ANO2: variants seen among roughly 807,000 people sequenced by gnomAD.
ANO2 encodes the protein anoctamin 2, also known as anoctamin-2.
In ANO2, 101 loss-of-function variants were observed where a neutral mutation model predicts 124.2. The observed-to-expected ratio is 0.81, with a 90% CI of 0.69 to 0.96. The LOEUF (loss-of-function observed/expected upper bound fraction) is 0.96, where lower values mean the gene tolerates loss of function less well. Among genes scored for constraint, ANO2 ranks in the 40% least tolerant of loss-of-function variants. The probability of loss-of-function intolerance (pLI) is 0.00; values close to 1 mark genes in which losing one functional copy is unlikely to be tolerated. For synonymous variants in ANO2, 486 were observed against 482.5 expected (o/e 1.01, Z -0.09); for missense variants, 1,293 against 1,274.5 (o/e 1.01, Z -0.22).
At chr12:5,736,594 G>T (rs1381547932) in intron 13 of ANO2, among the ~76,000 whole-genome samples, 1 of 152,114 alleles carries the variant, frequency 6.6e-6, no homozygotes, top group Admixed American at 6.5e-5. Flanking sequence ...TCCTCGTTTT[G>T]AATGTGGGTT....
Position 5,629,347 on chromosome 12 carries a change from C to T in ANO2, c.1816+5805G>A, listed in dbSNP as rs750810880. Among the ~76,000 whole-genome samples, 3 of 152,218 alleles carry T rather than the reference C, an allele frequency of 2.0e-5. No homozygotes were observed. In the East Asian group the frequency reaches 5.8e-4, roughly 29 times the overall value. The stretch of plus-strand genomic sequence containing the variant: ...GAATTCTCCAAAGCTAGAGTAGAGA[C>T]AGGCCGCCTTTCCAGGCCAAGCCTG... On this transcript the variant is annotated intron_variant, in intron 16 of 24. Coordinates refer to ENST00000682330, the MANE Select transcript of ANO2 (RefSeq NM_001364791.2).
intron 16 of ANO2, among the ~76,000 whole-genome samples, chr12:5,633,488 T>G (rs1945837841): frequency 6.6e-6 from 1 of 152,180 alleles, no homozygotes; most frequent in Non-Finnish European, 1.5e-5. Flanking sequence ...TATGGCTGAA[T>G]GCCCCTGGGA....
intron 20 of ANO2, among the ~76,000 whole-genome samples, chr12:5,591,383 G>A (rs115484935): frequency 0.015 from 2,219 of 152,252 alleles, 62 homozygotes; most frequent in African/African-American, 0.05. Flanking sequence ...ATGGTTTGGG[G>A]CAAAGTCTAT....
In ANO2 at chr12:5,658,291, T is replaced by C. The variant is rs1044459011; in HGVS notation, c.1546-10490A>G. On this transcript the variant is annotated intron_variant, in intron 14 of 24. Transcript: ENST00000682330. The surrounding 1 kb of genome is among the most constrained non-coding windows in gnomAD (Gnocchi z 4.3). ...TGCCAACGGTATGAGATTGCTGCTATGGAGATGAAATGAGGTAATGCATGG... is the reference window on the plus strand; with the variant it reads ...TGCCAACGGTATGAGATTGCTGCTACGGAGATGAAATGAGGTAATGCATGG... Among the ~76,000 whole-genome samples, 8 of 152,208 alleles carry C rather than the reference T, an allele frequency of 5.3e-5. No individual in the cohort carries two copies. The highest frequency in any genetic ancestry group is 1.2e-4 in the Non-Finnish European group (8 of 68,026).
intron 1 of ANO2, among the ~76,000 whole-genome samples, chr12:5,928,303 C>T (rs904090173): frequency 5.3e-5 from 8 of 152,198 alleles, no homozygotes; most frequent in South Asian, 2.1e-4. Context: ...CCCAACCTCC[C>T]AAAGCCACTG....
chr12:5,864,799 A>T (rs149771525), intron 3 of ANO2, among the ~76,000 whole-genome samples: 161 of 152,346 alleles, frequency 1.1e-3, no homozygotes, highest in Middle Eastern at 0.01. Flanking sequence ...CAAGCAAATC[A>T]CAGGATCAAC....
intron 20 of ANO2, among the ~76,000 whole-genome samples, chr12:5,589,248 T>C (rs1409232984): frequency 6.6e-6 from 1 of 152,154 alleles, no homozygotes; most frequent in Non-Finnish European, 1.5e-5. Flanking sequence ...ACGTTACACC[T>C]TCTCTTATTT....
chr12:5,905,332 A>G (rs1940599415), intron 3 of ANO2, among the ~76,000 whole-genome samples: 1 of 152,188 alleles, frequency 6.6e-6, no homozygotes, highest in Admixed American at 6.5e-5. Context: ...TGGTTTTCTT[A>G]TCTGCAAAAT....
chr12:5,753,369 T>C (rs549478621), intron 10 of ANO2, among the ~76,000 whole-genome samples: 1 of 152,156 alleles, frequency 6.6e-6, no homozygotes, highest in Non-Finnish European at 1.5e-5. Context: ...GCACTTAATA[T>C]AAGGTGAACA....
At chr12:5,857,045 A>G (rs1955119980) in intron 3 of ANO2, among the ~76,000 whole-genome samples, 1 of 152,252 alleles carries the variant, frequency 6.6e-6, no homozygotes, top group South Asian at 2.1e-4. Flanking sequence ...GTGAAATATT[A>G]GCTGATGTGA....
At chr12:5,885,940 T>C (rs10849356) in intron 3 of ANO2, among the ~76,000 whole-genome samples, 72,607 of 152,004 alleles carry the variant, frequency 0.48, 17,976 homozygotes, top group South Asian at 0.61. Flanking sequence ...ACTGCTCTTC[T>C]CCATGGGCAT....
At chr12:5,674,845 T>C (rs1337251738) in intron 14 of ANO2, among the ~76,000 whole-genome samples, 1 of 152,216 alleles carries the variant, frequency 6.6e-6, no homozygotes, top group African/African-American at 2.4e-5. Context: ...GCAAAATGCT[T>C]AGCAGAGTAT....
chr12:5,660,058 A>C (rs953528181), intron 14 of ANO2, among the ~76,000 whole-genome samples: 2 of 152,192 alleles, frequency 1.3e-5, no homozygotes, highest in African/African-American at 4.8e-5. Context: ...AACCTCCATT[A>C]GTACTGCAGA....
intron 1 of ANO2, among the ~76,000 whole-genome samples, chr12:5,932,246 G>T (rs1942434312): frequency 6.6e-6 from 1 of 151,456 alleles, no homozygotes; most frequent in Non-Finnish European, 1.5e-5. Flanking sequence ...AGTGAGGAAA[G>T]AAGGTAGACT....
intron 1 of ANO2, among the ~76,000 whole-genome samples, chr12:5,937,104 G>A (rs998627973): frequency 2.7e-5 from 4 of 149,444 alleles, no homozygotes; most frequent in Non-Finnish European, 5.9e-5. Flanking sequence ...GTCATATGGT[G>A]GTTCCATTTT....
At chr12:5,773,843 C>A (rs1007253285) in intron 10 of ANO2, among the ~76,000 whole-genome samples, 1 of 152,194 alleles carries the variant, frequency 6.6e-6, no homozygotes, top group African/African-American at 2.4e-5. Flanking sequence ...CAGTGCACAA[C>A]CTGCACAACT....
At chr12:5,869,689 A>T (rs1955520336) in intron 3 of ANO2, among the ~76,000 whole-genome samples, 1 of 152,116 alleles carries the variant, frequency 6.6e-6, no homozygotes, top group Non-Finnish European at 1.5e-5. Flanking sequence ...AAGAAGACAA[A>T]TCACAAGTAG....
intron 3 of ANO2, among the ~76,000 whole-genome samples, chr12:5,909,371 A>T (rs949090547): frequency 6.6e-6 from 1 of 152,252 alleles, no homozygotes; most frequent in African/African-American, 2.4e-5. Flanking sequence ...ACTTTTTAGT[A>T]AATTGCAAAA....
At chr12:5,815,197 T>C (rs1167506438) in intron 7 of ANO2, among the ~76,000 whole-genome samples, 3 of 152,208 alleles carry the variant, frequency 2.0e-5, no homozygotes, top group African/African-American at 7.2e-5. Context: ...AGCAGAATCC[T>C]TCAGACCTCC....
Sources: gnomAD v4.1 joint callset for allele counts (sites outside exome capture counted in the v4.1 genomes callset) on GRCh38, gnomAD v4.1.1 for gene constraint, Gnocchi (gnomAD v3.1) non-coding constraint, MANE v1.5 for transcripts, NCBI Gene and HGNC (gene_info 2026-07-23, HGNC 2026-07-21) for gene names.